The following BICC1 variants were observed in gnomAD, a reference collection of about 807,000 sequenced individuals.
BICC1 encodes protein bicaudal C homolog 1.
Under a neutral mutation model 111.0 loss-of-function variants are expected in BICC1, and 43 were observed. The observed-to-expected ratio is 0.39, with a 90% CI of 0.30 to 0.50. The LOEUF is 0.50. BICC1 is among the 20% of genes least tolerant of loss of function. BICC1 has a pLI of 0.88. For synonymous variants in BICC1, 467 were observed against 434.4 expected (o/e 1.07, Z -0.93); for missense variants, 1,091 against 1,203.2 (o/e 0.91, Z 1.38).
rs554320546 is a variant in BICC1 at position 58,594,520 on chromosome 10, G to A, written c.191-26335G>A. On this transcript the variant is annotated intron_variant, in intron 1 of 20. Coordinates refer to ENST00000373886, the MANE Select transcript of BICC1 (RefSeq NM_001080512.3). Reference sequence around the variant, plus strand: ...AAGGGAAGCCCATCAGACTAACAGCGGATCTCTCCGTAGAAACCCTACAAG... The same window carrying A: ...AAGGGAAGCCCATCAGACTAACAGCAGATCTCTCCGTAGAAACCCTACAAG... Among the ~76,000 whole-genome samples, 29 of 152,252 alleles carry A rather than the reference G, an allele frequency of 1.9e-4. No homozygotes were observed. In the East Asian group the frequency reaches 4.1e-3, roughly 21 times the overall value.
intron 3 of BICC1, among the ~76,000 whole-genome samples, chr10:58,780,247 C>A (rs899781343): frequency 6.6e-6 from 1 of 152,170 alleles, no homozygotes; most frequent in Non-Finnish European, 1.5e-5. Context: ...CCACAGCCAT[C>A]CAGATTTGAA....
intron 2 of BICC1, among the ~76,000 whole-genome samples, chr10:58,630,014 C>T (rs981662487): frequency 2.6e-5 from 4 of 152,164 alleles, no homozygotes; most frequent in African/African-American, 9.7e-5. Context: ...TTGCACCACT[C>T]GACTCTGCTT....
rs1030928071 is a variant in BICC1 at position 58,718,774 on chromosome 10, G to A, written c.307+16631G>A. The stretch of plus-strand genomic sequence containing the variant: ...TGTGTGTGTGTGTGTGTGCGCGCGC[G>A]CGTGCGCGCGTGCGCACGCCCGCGT... On this transcript the variant is annotated intron_variant, in intron 3 of 20. Coordinates refer to ENST00000373886, the MANE Select transcript of BICC1 (RefSeq NM_001080512.3). 1.5e-3 allele frequency among the ~76,000 whole-genome samples: 222 copies of A among 148,192 alleles called. 3 individuals carry two copies. The highest frequency in any genetic ancestry group is 4.5e-3 in the Admixed American group (68 of 15,162).
rs542367790 is a variant in BICC1 at position 58,574,386 on chromosome 10, T to C, written c.191-46469T>C. Among the ~76,000 whole-genome samples the C allele has an allele frequency of 1.4e-4, 21 of 152,252 alleles. No individual in the cohort carries two copies. The South Asian group carries it at 4.3e-3, about 32-fold the overall frequency. ...GACACGTGGCTACCAGAGAACAGGC[T>C]CTTTCAGTTTGCTTTTTTCTGGGAA... On this transcript the variant is annotated intron_variant, in intron 1 of 20. Transcript: ENST00000373886.
At chr10:58,760,399 A>G (rs1842279350) in intron 3 of BICC1, among the ~76,000 whole-genome samples, 1 of 152,318 alleles carries the variant, frequency 6.6e-6, no homozygotes, top group African/African-American at 2.4e-5. Context: ...TCACATGTAC[A>G]TTCCAGGTGG....
Position 58,798,471 on chromosome 10 carries a change from G to T in BICC1, c.1439G>T (p.Ser480Ile). The T allele has an allele frequency of 6.2e-7, 1 of 1,613,350 alleles. No homozygotes were observed. The highest frequency in any genetic ancestry group is 8.5e-7 in the Non-Finnish European group (1 of 1,179,644). Residue 480 changes from serine to isoleucine, a missense_variant, in exon 11 of 21, where the codon AGC (serine) becomes ATC (isoleucine). Around this residue, in one of 3 missense-constraint regions of BICC1, gnomAD observed 843 missense variants for 900.8 expected, o/e 0.94. Transcript: ENST00000373886. ...TPNSLLNALN[S>I]SVSPLQSPSS... is the part of the protein sequence containing the mutation. ...AACTCACTCTTGAATGCTCTTAATAGCTCAGTCAGTCCTTTGCAAAGTCCA... is the reference window on the plus strand; with the variant it reads ...AACTCACTCTTGAATGCTCTTAATATCTCAGTCAGTCCTTTGCAAAGTCCA...
chr10:58,517,441 A>G (rs1025040661), intron 1 of BICC1, among the ~76,000 whole-genome samples: 2 of 152,218 alleles, frequency 1.3e-5, no homozygotes, highest in African/African-American at 4.8e-5. Flanking sequence ...GTGGATTTTT[A>G]AAATGATTTG....
intron 3 of BICC1, among the ~76,000 whole-genome samples, chr10:58,704,657 T>C (rs916106208): frequency 2.0e-5 from 3 of 152,194 alleles, no homozygotes; most frequent in African/African-American, 7.2e-5. Context: ...CATTCCAGAC[T>C]ATTATTATTC....
chr10:58,616,031 C>T (rs976641134), intron 1 of BICC1, among the ~76,000 whole-genome samples: 5 of 152,098 alleles, frequency 3.3e-5, no homozygotes, highest in African/African-American at 1.2e-4. Flanking sequence ...GGAGGCCTGG[C>T]TACACAGCTC....
chr10:58,603,039 AATAG>A (rs1845092391), intron 1 of BICC1, among the ~76,000 whole-genome samples: 2 of 152,190 alleles, frequency 1.3e-5, no homozygotes, highest in South Asian at 4.1e-4. Flanking sequence ...AAAGGCATTT[AATAG>A]ATCAAGTTTA....
At chr10:58,817,778 T>C in intron 19 of BICC1, 56 bp downstream of exon 19, 1 of 1,506,080 alleles carries the variant, frequency 6.6e-7, no homozygotes, top group Non-Finnish European at 9.0e-7. Flanking sequence ...GTATGATGAC[T>C]TCTAGAATGA....
chr10:58,771,311 A>T (rs1384919884), intron 3 of BICC1, among the ~76,000 whole-genome samples: 1 of 152,188 alleles, frequency 6.6e-6, no homozygotes. Flanking sequence ...GAGGAAATAG[A>T]TATCAGTCAC....
At chr10:58,539,515 A>T (rs938273710) in intron 1 of BICC1, among the ~76,000 whole-genome samples, 2 of 145,888 alleles carry the variant, frequency 1.4e-5, no homozygotes, top group Admixed American at 1.5e-4. Flanking sequence ...AAAATCACTC[A>T]TACCCCTAAA....
intron 2 of BICC1, among the ~76,000 whole-genome samples, chr10:58,670,410 A>T (rs1839149012): frequency 6.6e-6 from 1 of 152,144 alleles, no homozygotes; most frequent in South Asian, 2.1e-4. Flanking sequence ...TTATTATCAC[A>T]TTATCATCCT....
intron 2 of BICC1, among the ~76,000 whole-genome samples, chr10:58,667,265 A>G (rs1014681754): frequency 2.7e-5 from 4 of 150,428 alleles, no homozygotes; most frequent in Admixed American, 6.7e-5. Context: ...AAGTTTAGAT[A>G]TACAATTTCT....
At chr10:58,784,512 A>G (rs1358859978) in intron 3 of BICC1, among the ~76,000 whole-genome samples, 2 of 152,160 alleles carry the variant, frequency 1.3e-5, no homozygotes, top group Non-Finnish European at 2.9e-5. Flanking sequence ...ACATTGGATT[A>G]TAATGTCCAA....
chr10:58,769,425 T>TATATATATATATATAA (rs1385104345), intron 3 of BICC1, among the ~76,000 whole-genome samples: 1 of 145,034 alleles, frequency 6.9e-6, no homozygotes, highest in East Asian at 2.0e-4. Context: ...TATATATATA[T>TATATATATATATATAA]AATCACAGTA....
chr10:58,580,472 T>C lies in BICC1; in HGVS notation c.191-40383T>C, dbSNP rs553791483. 2.6e-5 allele frequency among the ~76,000 whole-genome samples: 4 copies of C among 152,304 alleles called. No homozygotes were observed. In the South Asian group the frequency reaches 8.3e-4, roughly 32 times the overall value. On this transcript the variant is annotated intron_variant, in intron 1 of 20. Coordinates refer to ENST00000373886, the MANE Select transcript of BICC1 (RefSeq NM_001080512.3). The stretch of plus-strand genomic sequence containing the variant: ...CATTTCAGATTTCAAATTTTTGGAC[T>C]TGGGATGCTTAACTGGTAAGTAAAT...
At chr10:58,545,262 G>C (rs1179914460) in intron 1 of BICC1, among the ~76,000 whole-genome samples, 3 of 151,934 alleles carry the variant, frequency 2.0e-5, no homozygotes, top group African/African-American at 7.3e-5. Flanking sequence ...TATCTCCTAA[G>C]CACTCTAAGA....
Sources: allele counts gnomAD v4.1 joint callset (sites outside exome capture counted in the v4.1 genomes callset), GRCh38; gene constraint gnomAD v4.1.1; regional missense constraint gnomAD v4.1.1; transcripts MANE v1.5; gene names NCBI Gene and HGNC (gene_info 2026-07-23, HGNC 2026-07-21).